Variants in TAOK3 observed in about 807,000 individuals in gnomAD.
The protein encoded by TAOK3 is TAO kinase 3.
Under a neutral mutation model 120.4 loss-of-function variants are expected in TAOK3, and 40 were observed. The ratio of observed to expected loss-of-function variants is 0.33; its 90% confidence interval spans 0.26 to 0.43. The LOEUF is 0.43. Ranked by LOEUF, TAOK3 falls within the 20% of genes least tolerant of loss-of-function variation. TAOK3 has a pLI of 1.00. For missense variants in TAOK3, 821 were observed against 1,112.1 expected, an observed-to-expected ratio of 0.74 and a Z score of 3.72; for synonymous variants, 355 against 387.5, an observed-to-expected ratio of 0.92 and a Z score of 0.99.
intron 12 of TAOK3, chr12:118,199,852 T>A (rs2037933896): frequency 6.5e-6 from 1 of 154,340 alleles, no homozygotes; most frequent in Non-Finnish European, 1.4e-5. Context: ...TCTTATTATA[T>A]ATATCTGTTA....
chr12:118,191,504 T>G (rs2037428785), intron 13 of TAOK3, among the ~76,000 whole-genome samples: 1 of 152,148 alleles, frequency 6.6e-6, no homozygotes, highest in Admixed American at 6.5e-5. Context: ...CAAAATTGAG[T>G]TCCTGAGTCA....
chr12:118,343,416 G>A lies in TAOK3; in HGVS notation c.-194+29232C>T, dbSNP rs900525876. On this transcript the variant is annotated intron_variant, in intron 1 of 20. Coordinates refer to ENST00000392533, the MANE Select transcript of TAOK3 (RefSeq NM_016281.4). ...CACTCCAGCCTAGGCGACAGAGTGA[G>A]TCCCTGTCTCAAAAAAAAAAAAAAA... Among the ~76,000 whole-genome samples, 6 of 143,900 alleles carry A rather than the reference G, an allele frequency of 4.2e-5. No homozygotes were observed. The East Asian group carries it at 1.1e-3, about 26-fold the overall frequency. 94.4% of individuals were successfully genotyped at this position (143,900 alleles called of 152,430 possible).
chr12:118,160,102 T>C lies in TAOK3; in HGVS notation c.2352+44A>G, dbSNP rs754424642. 3 of 1,469,988 alleles carry C rather than the reference T, an allele frequency of 2.0e-6. No homozygotes were observed. In the South Asian group the frequency reaches 3.4e-5, roughly 17 times the overall value. The allele number at this position is 1,469,988 out of a possible 1,614,324, so 91.1% of individuals were successfully genotyped here. On this transcript the variant is annotated intron_variant, in intron 19 of 20. Coordinates refer to ENST00000392533, the MANE Select transcript of TAOK3 (RefSeq NM_016281.4). This position sits in a 1 kb window ranked among gnomAD's most constrained non-coding sequence, Gnocchi z 4.2. The stretch of plus-strand genomic sequence containing the variant: ...CAGGCTGGATCTTGGATTTTCTTGA[T>C]TCCCAAAGCTCTCGAAGCCGTGGCA...
chr12:118,273,386 C>G (rs907958633), intron 1 of TAOK3, among the ~76,000 whole-genome samples: 1 of 152,182 alleles, frequency 6.6e-6, no homozygotes, highest in East Asian at 1.9e-4. Flanking sequence ...CCTGTAGTTC[C>G]AGCTATTCGG....
chr12:118,370,270 C>G (rs2045860977), intron 1 of TAOK3, among the ~76,000 whole-genome samples: 1 of 152,220 alleles, frequency 6.6e-6, no homozygotes, highest in South Asian at 2.1e-4. Context: ...AATCCCTAAA[C>G]AGTGCTTCTC....
intron 9 of TAOK3, among the ~76,000 whole-genome samples, chr12:118,216,656 C>T (rs570091103): frequency 4.6e-5 from 7 of 152,210 alleles, no homozygotes; most frequent in South Asian, 2.1e-4. Context: ...AGGCCAGGCA[C>T]GGTGGCTCAC....
chr12:118,210,673 T>C (rs1323375197), intron 11 of TAOK3, among the ~76,000 whole-genome samples: 3 of 152,170 alleles, frequency 2.0e-5, no homozygotes, highest in Non-Finnish European at 4.4e-5. Context: ...GCTTGTCTAA[T>C]TTATTTTTCT....
intron 5 of TAOK3, 65 bp downstream of exon 5, chr12:118,243,350 T>C: frequency 7.2e-6 from 6 of 832,672 alleles, no homozygotes; most frequent in South Asian, 6.4e-5. Context: ...ATCAAATAGA[T>C]AATAGAAAAA....
At chr12:118,358,289 C>G (rs1178940898) in intron 1 of TAOK3, among the ~76,000 whole-genome samples, 1 of 152,158 alleles carries the variant, frequency 6.6e-6, no homozygotes, top group Non-Finnish European at 1.5e-5. Context: ...TCATAAGTAG[C>G]TAACTCTATG....
At chr12:118,341,330 C>T (rs1389331164) in intron 1 of TAOK3, among the ~76,000 whole-genome samples, 2 of 151,766 alleles carry the variant, frequency 1.3e-5, no homozygotes, top group Non-Finnish European at 2.9e-5. Flanking sequence ...AAAAATTTAA[C>T]GATAATTTTT....
At chr12:118,226,531 T>TAA (rs140746961) in intron 9 of TAOK3, among the ~76,000 whole-genome samples, 51 of 124,778 alleles carry the variant, frequency 4.1e-4, no homozygotes, top group Admixed American at 1.6e-3. Flanking sequence ...AGACTCCGTC[T>TAA]AAAAAAAAAA....
At chr12:118,349,231 C>A (rs558482714) in intron 1 of TAOK3, among the ~76,000 whole-genome samples, 2 of 152,064 alleles carry the variant, frequency 1.3e-5, no homozygotes, top group South Asian at 4.1e-4. Context: ...AATTATTTTA[C>A]AAAAAGTAAT....
At chr12:118,280,276 G>T (rs1317066660) in intron 1 of TAOK3, among the ~76,000 whole-genome samples, 1 of 151,890 alleles carries the variant, frequency 6.6e-6, no homozygotes, top group East Asian at 1.9e-4. Context: ...GGCCATGCTG[G>T]TCTAGAACTC....
At chr12:118,332,241 T>G (rs1344494321) in intron 1 of TAOK3, among the ~76,000 whole-genome samples, 1 of 152,204 alleles carries the variant, frequency 6.6e-6, no homozygotes, top group Non-Finnish European at 1.5e-5. Context: ...TTTATGTATT[T>G]TCTTCTCCTT....
intron 9 of TAOK3, among the ~76,000 whole-genome samples, chr12:118,228,452 A>C (rs1409232940): frequency 6.6e-6 from 1 of 152,136 alleles, no homozygotes; most frequent in Non-Finnish European, 1.5e-5. Context: ...GCGCCTGGCC[A>C]GTATATATAT....
chr12:118,224,965 G>C (rs2139699830), intron 9 of TAOK3, among the ~76,000 whole-genome samples: 2 of 152,134 alleles, frequency 1.3e-5, no homozygotes, highest in Middle Eastern at 6.9e-3. Flanking sequence ...AGTACAACTT[G>C]GGCTGGGCAA....
At chr12:118,265,628 T>C (rs1050599648) in intron 2 of TAOK3, among the ~76,000 whole-genome samples, 2 of 152,068 alleles carry the variant, frequency 1.3e-5, no homozygotes, top group African/African-American at 4.8e-5. Context: ...AAAATATACT[T>C]TTTTTGGGGT....
intron 9 of TAOK3, among the ~76,000 whole-genome samples, chr12:118,233,141 C>T (rs1189645015): frequency 6.6e-6 from 1 of 151,094 alleles, no homozygotes; most frequent in Admixed American, 6.6e-5. Context: ...TCTCAGCAAA[C>T]TATCGCAAGG....
intron 9 of TAOK3, among the ~76,000 whole-genome samples, chr12:118,215,671 T>C (rs2038866106): frequency 6.6e-6 from 1 of 152,172 alleles, no homozygotes; most frequent in African/African-American, 2.4e-5. Flanking sequence ...AAATTATAAA[T>C]AAAGTCTGGT....
Sources: allele counts gnomAD v4.1 joint callset (sites outside exome capture counted in the v4.1 genomes callset), GRCh38; gene constraint gnomAD v4.1.1; non-coding constraint Gnocchi (gnomAD v3.1); transcripts MANE v1.5; gene names NCBI Gene and HGNC (gene_info 2026-07-23, HGNC 2026-07-21).